IFT22: variants seen among roughly 807,000 people sequenced by gnomAD.
The protein encoded by IFT22 is intraflagellar transport protein 22 homolog.
In IFT22, 13 loss-of-function variants were observed where a neutral mutation model predicts 21.0. That is an observed-to-expected ratio of 0.62 (90% CI 0.40 to 0.98). The LOEUF (loss-of-function observed/expected upper bound fraction) is 0.98. Ranked by LOEUF, IFT22 falls within the 50% of genes least tolerant of loss-of-function variation. IFT22 has a pLI of 0.00. For missense variants in IFT22, 227 were observed against 228.9 expected (o/e 0.99, Z 0.06); for synonymous variants, 67 against 82.4 (o/e 0.81, Z 1.01).
chr7:101,316,346 A>ACAGG lies in IFT22; in HGVS notation c.399_402dup (p.Ser135ProfsTer20), dbSNP rs1364802545. 6.2e-7 allele frequency: 1 copy of ACAGG among 1,614,092 alleles called. No individual in the cohort carries two copies. ...GAAATTCCAGTTTCCTTACACAAAG[A>ACAGG]CAGGCTTCCTTTATCATCTCCAGAG... On this transcript the variant is annotated frameshift_variant, in exon 4 of 5. Coordinates refer to ENST00000315322, the MANE Select transcript of IFT22 (RefSeq NM_022777.4). LOFTEE classifies it high-confidence loss of function.
At position 101,311,271 on chromosome 7, in the gene IFT22, G is replaced by A. The variant is rs184584210; in HGVS notation, c.*3863C>T. Among the ~76,000 whole-genome samples, 375 of 152,170 alleles carry A rather than the reference G, an allele frequency of 2.5e-3. 1 individual carries two copies. The highest frequency in any genetic ancestry group is 5.9e-3 in the Admixed American group (90 of 15,272). ...CTCCCAAAGTGCTGGGATTACAGGC[G>A]TGAGCCACTGCGCCTGGCCTTGGGT... On this transcript the variant is annotated 3_prime_UTR_variant, in exon 5 of 5. Coordinates refer to ENST00000315322, the MANE Select transcript of IFT22 (RefSeq NM_022777.4).
intron 3 of IFT22, 134 bp from the exon 4 acceptor site, chr7:101,316,676 G>A (rs1790165506): frequency 5.0e-6 from 4 of 802,100 alleles, no homozygotes; most frequent in East Asian, 5.4e-5. Flanking sequence ...TGTAATCCCA[G>A]CACTTTGGGA....
rs1377787983 is a variant in IFT22 at position 101,313,719 on chromosome 7, T to G, written c.*1415A>C. 1 of 152,180 alleles carries G rather than the reference T, an allele frequency of 6.6e-6. No individual in the cohort carries two copies. Among genetic ancestry groups the G allele is most frequent in the African/African-American group, 2.4e-5 (1 of 41,434 alleles). The allele number at this position is 152,180 out of a possible 1,614,324, so 9.4% of individuals were successfully genotyped here. ...TTTGGGGGTTACAAACATATTTTAGTGAGTAGGCAAATTCTCAAATACAAA... is the reference window on the plus strand; with the variant it reads ...TTTGGGGGTTACAAACATATTTTAGGGAGTAGGCAAATTCTCAAATACAAA... On this transcript the variant is annotated 3_prime_UTR_variant, in exon 5 of 5. Coordinates refer to ENST00000315322, the MANE Select transcript of IFT22 (RefSeq NM_022777.4).
At position 101,319,016 on chromosome 7, in the gene IFT22, A is replaced by G; in HGVS notation, c.56T>C (p.Leu19Ser). Residue 19 changes from leucine (L) to serine (S), a missense_variant, in exon 2 of 5, where the codon TTG (leucine) becomes TCG (serine). Physicochemically the swap from Leu to Ser is moderately radical, Grantham distance 145. Coordinates refer to ENST00000315322, the MANE Select transcript of IFT22 (RefSeq NM_022777.4). ...AGAAGATTCTGTCAGAAAGTTGGCC[A>G]AAACAGTTTTTCCACTCTGTGAAAA... ...VGPCESGKTV[L>S]ANFLTESSDI... The G allele has an allele frequency of 6.2e-7, 1 of 1,613,968 alleles. No individual in the cohort carries two copies.
At chr7:101,315,347 A>G (rs1310104009) in intron 4 of IFT22, 65 bp from the exon 5 acceptor site, 11 of 1,529,706 alleles carry the variant, frequency 7.2e-6, no homozygotes, top group Non-Finnish European at 9.9e-6. Context: ...ATAGCTCCCA[A>G]TGAAACTTCT....
intron 1 of IFT22, among the ~76,000 whole-genome samples, chr7:101,321,256 C>G (rs1790338542): frequency 6.6e-6 from 1 of 151,944 alleles, no homozygotes; most frequent in Non-Finnish European, 1.5e-5. Context: ...CCAGGGAAGT[C>G]GAGGCTGCAG....
chr7:101,311,113 C>T lies in IFT22; in HGVS notation c.*4021G>A, dbSNP rs996714376. 60 of 213,140 alleles carry T rather than the reference C, an allele frequency of 2.8e-4. No individual in the cohort carries two copies. The highest frequency in any genetic ancestry group is 4.8e-4 in the Non-Finnish European group (49 of 102,916). The allele number at this position is 213,140 out of a possible 1,614,324, so 13.2% of individuals were successfully genotyped here. ...GGTTCACGCCATTCTCCTGCCTCAG[C>T]CTCCTGAGTAGCTGGGACTACAGGT... On this transcript the variant is annotated 3_prime_UTR_variant, in exon 5 of 5. Coordinates refer to ENST00000315322, the MANE Select transcript of IFT22 (RefSeq NM_022777.4).
chr7:101,320,177 G>A (rs1462767063), intron 1 of IFT22, among the ~76,000 whole-genome samples: 4 of 151,710 alleles, frequency 2.6e-5, no homozygotes, highest in African/African-American at 9.7e-5. Flanking sequence ...GGCTGGACTC[G>A]AACTCCTGAC....
At chr7:101,317,534 C>T (rs1483705277) in intron 3 of IFT22, among the ~76,000 whole-genome samples, 3 of 151,702 alleles carry the variant, frequency 2.0e-5, no homozygotes, top group Admixed American at 2.0e-4. Context: ...TCCCAAAGTA[C>T]TGGGATTACA....
chr7:101,317,478 G>A (rs1490170455), intron 3 of IFT22, among the ~76,000 whole-genome samples: 3 of 151,214 alleles, frequency 2.0e-5, no homozygotes, highest in Non-Finnish European at 4.4e-5. Context: ...ATGTTGGGCC[G>A]GCTGGTCTTG....
Position 101,312,530 on chromosome 7 carries a change from G to GTTTTTTTTTTTTTTTTTTTTTTTTTTTT in IFT22, c.*2603_*2604insAAAAAAAAAAAAAAAAAAAAAAAAAAAA, listed in dbSNP as rs776119398. Reference sequence around the variant, plus strand: ...AAATAAATATAATGTTTTGGAGAGAGTTGTTTTTTTTTTTTTTTTTTTTGT... The same window carrying GTTTTTTTTTTTTTTTTTTTTTTTTTTTT: ...AAATAAATATAATGTTTTGGAGAGAGTTTTTTTTTTTTTTTTTTTTTTTTTTTTTTGTTTTTTTTTTTTTTTTTTTTGT... On this transcript the variant is annotated 3_prime_UTR_variant, in exon 5 of 5. Transcript: ENST00000315322. Among the ~76,000 whole-genome samples the GTTTTTTTTTTTTTTTTTTTTTTTTTTTT allele has an allele frequency of 3.2e-5, 4 of 126,580 alleles. No individual in the cohort carries two copies. The highest frequency in any genetic ancestry group is 8.7e-5 in the Admixed American group (1 of 11,512). The allele number at this position is 126,580 out of a possible 152,430, so 83.0% of individuals were successfully genotyped here.
At position 101,316,525 on chromosome 7, in the gene IFT22, G is replaced by A. The variant is rs374024691; in HGVS notation, c.224C>T (p.Pro75Leu). ...TCCATGAGCATCCTTCATCAGGGCCGGCCAGCAGGACTCAAACCTGCGAGG... is the reference window on the plus strand; with the variant it reads ...TCCATGAGCATCCTTCATCAGGGCCAGCCAGCAGGACTCAAACCTGCGAGG... ...GGDAKFESCW[P>L]ALMKDAHGVV... Residue 75 changes from proline to leucine, a missense_variant, in exon 4 of 5, where the codon CCG (proline) becomes CTG (leucine). Coordinates refer to ENST00000315322, the MANE Select transcript of IFT22 (RefSeq NM_022777.4). 3.7e-6 allele frequency: 6 copies of A among 1,614,064 alleles called. No individual in the cohort carries two copies. Among genetic ancestry groups the A allele is most frequent in the East Asian group, 4.5e-5 (2 of 44,874 alleles).
intron 1 of IFT22, chr7:101,321,300 G>A (rs1292379151): frequency 7.8e-6 from 2 of 257,616 alleles, no homozygotes; most frequent in East Asian, 2.0e-4. Context: ...CTCCAGCCTG[G>A]ACGACACAGC....
intron 1 of IFT22, among the ~76,000 whole-genome samples, chr7:101,321,064 A>G (rs1584317478): frequency 6.6e-6 from 1 of 151,784 alleles, no homozygotes; most frequent in Admixed American, 6.6e-5. Context: ...AATCGCTTGA[A>G]CCCGGGAGGC....
chr7:101,321,570 C>A, intron 1 of IFT22, 101 bp downstream of exon 1: 2 of 1,298,412 alleles, frequency 1.5e-6, no homozygotes, highest in Non-Finnish European at 2.1e-6. Flanking sequence ...CGGGTTCCCG[C>A]CTCCGGGAGC....
In IFT22 at chr7:101,314,743, A is replaced by C; in HGVS notation, c.*391T>G. On this transcript the variant is annotated 3_prime_UTR_variant, in exon 5 of 5. Coordinates refer to ENST00000315322, the MANE Select transcript of IFT22 (RefSeq NM_022777.4). ...CACAGCAGGTGCTCAGCCAGTCGGTATTTGTTGGGTGAATCAAGGAATGAA... is the reference window on the plus strand; with the variant it reads ...CACAGCAGGTGCTCAGCCAGTCGGTCTTTGTTGGGTGAATCAAGGAATGAA... The C allele has an allele frequency of 5.5e-6, 1 of 182,834 alleles. No homozygotes were observed. The highest frequency in any genetic ancestry group is 1.1e-5 in the Non-Finnish European group (1 of 87,846). The allele number at this position is 182,834 out of a possible 1,614,324, so 11.3% of individuals were successfully genotyped here.
intron 4 of IFT22, 194 bp downstream of exon 4, chr7:101,316,146 C>T: frequency 1.7e-6 from 1 of 577,564 alleles, no homozygotes. Context: ...GTACAGGCGC[C>T]TGCCATCATG....
At chr7:101,321,584 C>A (rs531893637) in intron 1 of IFT22, 87 bp downstream of exon 1, 2 of 1,403,928 alleles carry the variant, frequency 1.4e-6, no homozygotes, top group Non-Finnish European at 9.7e-7. Context: ...CGGGAGCAAG[C>A]CGCAGATCAG....
intron 2 of IFT22, chr7:101,318,547 C>A: frequency 3.6e-6 from 1 of 275,440 alleles, no homozygotes; most frequent in Non-Finnish European, 6.9e-6. Context: ...AGTAGCAGCA[C>A]CAATAATGAG....
Sources: allele counts gnomAD v4.1 joint callset (sites outside exome capture counted in the v4.1 genomes callset), GRCh38; gene constraint gnomAD v4.1.1; transcripts MANE v1.5; gene names NCBI Gene and HGNC (gene_info 2026-07-23, HGNC 2026-07-21).